CHD9: variants seen among roughly 807,000 people sequenced by gnomAD.
The protein encoded by CHD9 is ATP-dependent chromatin remodeler CHD9.
CHD9 carries 77 observed loss-of-function variants against 316.1 expected under a neutral mutation model. That is an observed-to-expected ratio of 0.24 (90% confidence interval 0.20 to 0.29). The LOEUF (loss-of-function observed/expected upper bound fraction) is 0.29, where lower values mean the gene tolerates loss of function less well. Ranked by LOEUF, CHD9 falls within the 10% of genes least tolerant of loss-of-function variation. The pLI is 1.00. For synonymous variants in CHD9, 1,129 were observed against 1,158.3 expected (o/e 0.97, Z 0.51); for missense variants, 2,763 against 3,438.1 (o/e 0.80, Z 4.91).
At chr16:53,307,411 A>G (rs1470659900) in intron 32 of CHD9, among the ~76,000 whole-genome samples, 1 of 151,064 alleles carries the variant, frequency 6.6e-6, no homozygotes, top group African/African-American at 2.4e-5. Flanking sequence ...AAGCACTCCT[A>G]CCACCTTGGC....
intron 20 of CHD9, among the ~76,000 whole-genome samples, chr16:53,263,802 A>G (rs1341136570): frequency 1.3e-5 from 2 of 152,138 alleles, no homozygotes; most frequent in Non-Finnish European, 2.9e-5. Context: ...TTGGAAATAT[A>G]TGTAATTCTG....
At chr16:53,159,952 T>G (rs532090004) in intron 2 of CHD9, among the ~76,000 whole-genome samples, 1 of 152,156 alleles carries the variant, frequency 6.6e-6, no homozygotes, top group Non-Finnish European at 1.5e-5. Context: ...TTTCAGCATA[T>G]TTTTTGAAAT....
At chr16:53,192,718 G>GT (rs1298676035) in intron 2 of CHD9, among the ~76,000 whole-genome samples, 3 of 152,136 alleles carry the variant, frequency 2.0e-5, no homozygotes, top group African/African-American at 7.2e-5. Flanking sequence ...TTTTGAGAAT[G>GT]TTGTATGGAT....
chr16:53,227,856 C>T (rs1018937975), intron 7 of CHD9, among the ~76,000 whole-genome samples: 18 of 152,024 alleles, frequency 1.2e-4, no homozygotes, highest in Admixed American at 4.6e-4. Flanking sequence ...GAGGCCAAGG[C>T]GGTCATATCA....
chr16:53,264,360 A>G (rs1215364448), intron 20 of CHD9, among the ~76,000 whole-genome samples: 3 of 152,104 alleles, frequency 2.0e-5, no homozygotes. Context: ...TTTTTGTTAT[A>G]GCAAAAATTT....
chr16:53,263,507 T>C lies in CHD9; in HGVS notation c.4320+410T>C, dbSNP rs900770614. On this transcript the variant is annotated intron_variant, in intron 20 of 38. Transcript: ENST00000447540. The stretch of plus-strand genomic sequence containing the variant: ...GTGGCATTTTTTAAACTGCTTCTCT[T>C]ATGACTTCCCTTGAGCTAAGAAAAG... Among the ~76,000 whole-genome samples the C allele has an allele frequency of 3.3e-5, 5 of 152,256 alleles. No homozygotes were observed. In the East Asian group the frequency reaches 9.6e-4, roughly 29 times the overall value.
intron 1 of CHD9, among the ~76,000 whole-genome samples, chr16:53,138,546 G>T (rs1261242670): frequency 2.0e-5 from 3 of 152,214 alleles, no homozygotes; most frequent in East Asian, 1.9e-4. Context: ...AGGCGAAGGG[G>T]TTAATTGAAC....
intron 1 of CHD9, among the ~76,000 whole-genome samples, chr16:53,137,985 A>G (rs1597110957): frequency 6.6e-6 from 1 of 152,188 alleles, no homozygotes; most frequent in African/African-American, 2.4e-5. Context: ...CTTGATAGCT[A>G]TTAGGTGGAA....
At chr16:53,060,920 C>CT (rs549828992) in intron 1 of CHD9, among the ~76,000 whole-genome samples, 8,137 of 99,232 alleles carry the variant, frequency 0.082, 502 homozygotes, top group Non-Finnish European at 0.099. Flanking sequence ...GATGTTGTCT[C>CT]TTTTTTTTTT....
chr16:53,308,814 G>A lies in CHD9; in HGVS notation c.7182G>A (p.Glu2394=). The change falls in exon 34 of 39, where the codon GAG becomes GAA. Residue 2394 remains glutamate, a synonymous_variant. Transcript: ENST00000447540. ...TRLRELQSAS[E]TSLVNFPKSI... ...TTCGAGAGCTTCAAAGTGCATCAGAGACCAGCCTCGTCAATTTCCCAAAAT... is the reference window on the plus strand; with the variant it reads ...TTCGAGAGCTTCAAAGTGCATCAGAAACCAGCCTCGTCAATTTCCCAAAAT... 1.2e-6 allele frequency: 2 copies of A among 1,613,710 alleles called. No individual in the cohort carries two copies. The highest frequency in any genetic ancestry group is 8.5e-7 in the Non-Finnish European group (1 of 1,179,780).
chr16:53,317,644 C>G (rs1167373838), intron 36 of CHD9, among the ~76,000 whole-genome samples: 1 of 152,176 alleles, frequency 6.6e-6, no homozygotes, highest in Non-Finnish European at 1.5e-5. Flanking sequence ...TAGGCGTACA[C>G]CACCATGGCA....
intron 1 of CHD9, among the ~76,000 whole-genome samples, chr16:53,123,671 T>G (rs1047589214): frequency 1.3e-5 from 2 of 151,988 alleles, no homozygotes; most frequent in Non-Finnish European, 1.5e-5. Flanking sequence ...CTGGCAAATT[T>G]TTGTATTTTT....
chr16:53,055,502 C>CCCG (rs1555511559), intron 1 of CHD9, among the ~76,000 whole-genome samples: 2 of 151,768 alleles, frequency 1.3e-5, no homozygotes, highest in Non-Finnish European at 2.9e-5. Flanking sequence ...CCGCCCCCCC[C>CCCG]CAGAGACTCA....
rs763455647 is a variant in CHD9, at chr16:53,222,705, T to C, written c.1846T>C (p.Ser616Pro). 8.2e-6 allele frequency: 13 copies of C among 1,583,476 alleles called. No homozygotes were observed. The highest frequency in any genetic ancestry group is 3.5e-5 in the Admixed American group (2 of 56,832). Residue 616 changes from serine to proline, a missense_variant, in exon 4 of 39, where the codon TCT becomes CCT. Around this residue, in one of 15 missense-constraint regions of CHD9, gnomAD observed 859 missense variants for 890.4 expected, o/e 0.96. Transcript: ENST00000447540. ...AAAGAATGAGTCTTCAGATGAAATA[T>C]CTGATGCAGAACAGATGCCACAGCA... ...KRKNESSDEI[S>P]DAEQMPQHTL... is the part of the protein sequence containing the mutation.
chr16:53,293,484 C>A (rs527294214), intron 29 of CHD9, among the ~76,000 whole-genome samples: 4 of 151,530 alleles, frequency 2.6e-5, no homozygotes, highest in African/African-American at 9.7e-5. Flanking sequence ...GGTGTGGTGG[C>A]GCATGCCTGT....
At chr16:53,301,906 A>C (rs2055473109) in intron 30 of CHD9, among the ~76,000 whole-genome samples, 1 of 151,844 alleles carries the variant, frequency 6.6e-6, no homozygotes, top group South Asian at 2.1e-4. Context: ...CTGGGACTAC[A>C]GGTGGCTGCC....
At chr16:53,320,301 A>G (rs2057185385) in intron 37 of CHD9, among the ~76,000 whole-genome samples, 1 of 152,070 alleles carries the variant, frequency 6.6e-6, no homozygotes, top group African/African-American at 2.4e-5. Flanking sequence ...TGGGTGGATC[A>G]TCTGAGGTCA....
At chr16:53,097,917 C>G (rs1277230589) in intron 1 of CHD9, among the ~76,000 whole-genome samples, 1 of 151,962 alleles carries the variant, frequency 6.6e-6, no homozygotes, top group African/African-American at 2.4e-5. Flanking sequence ...GTCAGGAGTT[C>G]GAGCCCAGCC....
chr16:53,278,369 GC>G (rs1311451839), intron 24 of CHD9, among the ~76,000 whole-genome samples: 1 of 152,112 alleles, frequency 6.6e-6, no homozygotes, highest in African/African-American at 2.4e-5. Context: ...GTACTATCAG[GC>G]CATAGTCACC....
Sources: gnomAD v4.1 joint callset for allele counts (sites outside exome capture counted in the v4.1 genomes callset) on GRCh38, gnomAD v4.1.1 for gene constraint, gnomAD v4.1.1 regional missense constraint, MANE v1.5 for transcripts, NCBI Gene and HGNC (gene_info 2026-07-23, HGNC 2026-07-21) for gene names.